CCDC7: variants seen among roughly 807,000 people sequenced by gnomAD.
The protein encoded by CCDC7 is coiled-coil domain containing 7, also known as coiled-coil domain-containing protein 7.
A neutral mutation model predicts 196.9 loss-of-function variants in CCDC7; 183 were observed. That is an observed-to-expected ratio of 0.93 (90% confidence interval 0.82 to 1.05). The LOEUF is 1.05. Ranked by LOEUF, CCDC7 falls within the 50% of genes least tolerant of loss-of-function variation. CCDC7 has a pLI of 0.00. For synonymous variants in CCDC7, 525 were observed against 484.6 expected (o/e 1.08, Z -1.10); for missense variants, 1,540 against 1,482.2 (o/e 1.04, Z -0.64).
intron 21 of CCDC7, among the ~76,000 whole-genome samples, chr10:32,668,104 C>A (rs186761501): frequency 0.041 from 6,293 of 151,948 alleles, 135 homozygotes; most frequent in Middle Eastern, 0.065. Context: ...AAGTTGGATT[C>A]CCAGGTGTTT....
At chr10:32,812,540 C>T (rs1271926886) in intron 30 of CCDC7, among the ~76,000 whole-genome samples, 1 of 151,998 alleles carries the variant, frequency 6.6e-6, no homozygotes, top group African/African-American at 2.4e-5. Context: ...ACTTTTTAAA[C>T]TTGACTGTGA....
intron 28 of CCDC7, among the ~76,000 whole-genome samples, chr10:32,752,818 C>A (rs1359881731): frequency 3.9e-5 from 6 of 152,138 alleles, no homozygotes; most frequent in Non-Finnish European, 8.8e-5. Context: ...CACCTTCTCA[C>A]TTACCTTGGT....
intron 11 of CCDC7, among the ~76,000 whole-genome samples, chr10:32,519,997 T>C (rs2047639251): frequency 6.6e-6 from 1 of 152,164 alleles, no homozygotes; most frequent in South Asian, 2.1e-4. Flanking sequence ...CTGGCCTATT[T>C]CATTTAACAT....
At chr10:32,486,096 T>G (rs531523963) in intron 8 of CCDC7, among the ~76,000 whole-genome samples, 31 of 152,110 alleles carry the variant, frequency 2.0e-4, no homozygotes, top group South Asian at 2.1e-4. Context: ...TGACAGTGGG[T>G]TGTTAAAGTC....
At chr10:32,798,551 T>A (rs969186169) in intron 29 of CCDC7, among the ~76,000 whole-genome samples, 6 of 152,170 alleles carry the variant, frequency 3.9e-5, no homozygotes, top group African/African-American at 7.2e-5. Context: ...ATCTTCACAG[T>A]TTTTGACCAT....
chr10:32,795,892 G>A (rs1222715463), intron 29 of CCDC7, among the ~76,000 whole-genome samples: 2 of 152,092 alleles, frequency 1.3e-5, no homozygotes, highest in African/African-American at 4.8e-5. Flanking sequence ...AGGACCTGTG[G>A]AATATACCTC....
chr10:32,837,214 A>C (rs2136015614), intron 33 of CCDC7, among the ~76,000 whole-genome samples: 1 of 152,338 alleles, frequency 6.6e-6, no homozygotes, highest in East Asian at 1.9e-4. Context: ...CAAAGAACGC[A>C]AACAAATTTA....
chr10:32,791,694 T>C (rs2082724040), intron 29 of CCDC7, among the ~76,000 whole-genome samples: 1 of 150,336 alleles, frequency 6.7e-6, no homozygotes, highest in Non-Finnish European at 1.5e-5. Flanking sequence ...AAAAAAAGAA[T>C]GAAAAAGAAT....
chr10:32,742,577 G>A lies in CCDC7; in HGVS notation c.2905+13120G>A, dbSNP rs542861033. On this transcript the variant is annotated intron_variant, in intron 28 of 41. Coordinates refer to ENST00000639629, the Ensembl canonical transcript of CCDC7. ...TTTGCTTTTTTCAGAATGTCTAACA[G>A]TTGGAATCATACAGTATGTAGCAGT... 1.5e-3 allele frequency among the ~76,000 whole-genome samples: 228 copies of A among 152,274 alleles called. 2 individuals are homozygous for A. The highest frequency in any genetic ancestry group is 5.2e-3 in the African/African-American group (217 of 41,564).
intron 32 of CCDC7, 68 bp downstream of exon 33, chr10:32,824,672 C>G: frequency 2.0e-6 from 2 of 999,978 alleles, no homozygotes; most frequent in East Asian, 2.4e-5. Context: ...GTATGTATCT[C>G]TAATGACAAC....
intron 21 of CCDC7, among the ~76,000 whole-genome samples, chr10:32,683,266 C>A (rs1350679047): frequency 6.6e-6 from 1 of 152,156 alleles, no homozygotes; most frequent in African/African-American, 2.4e-5. Context: ...TTCCCTGTTG[C>A]TTGGTTTGCC....
chr10:32,632,969 A>AT (rs762507012), intron 18 of CCDC7, among the ~76,000 whole-genome samples: 4 of 152,042 alleles, frequency 2.6e-5, no homozygotes, highest in South Asian at 4.2e-4. Flanking sequence ...TACTTAATTT[A>AT]TTGTATTCTT....
intron 8 of CCDC7, among the ~76,000 whole-genome samples, chr10:32,486,265 C>A (rs1185483113): frequency 1.3e-5 from 2 of 151,874 alleles, no homozygotes; most frequent in Non-Finnish European, 2.9e-5. Context: ...CCTTCTTTGT[C>A]TCTTTTGATC....
chr10:32,710,982 G>A (rs950322994), intron 24 of CCDC7, among the ~76,000 whole-genome samples: 2 of 152,166 alleles, frequency 1.3e-5, no homozygotes, highest in Non-Finnish European at 2.9e-5. Context: ...AAGGTAGGAT[G>A]TATCAGCATA....
chr10:32,822,000 GA>G (rs35583848), intron 31 of CCDC7, among the ~76,000 whole-genome samples: 66,559 of 148,992 alleles, frequency 0.45, 17,113 homozygotes, highest in Non-Finnish European at 0.59. Flanking sequence ...TAAAAGTGCT[GA>G]AAAAAAAAAA....
intron 9 of CCDC7, among the ~76,000 whole-genome samples, chr10:32,495,173 G>A (rs1338565093): frequency 6.6e-6 from 1 of 152,086 alleles, no homozygotes; most frequent in African/African-American, 2.4e-5. Context: ...TTATAAGTTT[G>A]TTGGCTGCAT....
chr10:32,668,419 G>C (rs970239619), intron 21 of CCDC7, among the ~76,000 whole-genome samples: 1 of 152,240 alleles, frequency 6.6e-6, no homozygotes, highest in Admixed American at 6.5e-5. Flanking sequence ...GGATAGGAGT[G>C]GTGAGAGAGG....
chr10:32,461,545 T>A (rs1021109487), intron 3 of CCDC7, among the ~76,000 whole-genome samples: 1 of 151,720 alleles, frequency 6.6e-6, no homozygotes, highest in Non-Finnish European at 1.5e-5. Context: ...ATTTTATATC[T>A]TGATTTTCTA....
chr10:32,763,116 G>T (rs762245632), intron 28 of CCDC7, among the ~76,000 whole-genome samples: 1 of 151,920 alleles, frequency 6.6e-6, no homozygotes, highest in Non-Finnish European at 1.5e-5. Flanking sequence ...ATATTGTTAG[G>T]TAAGCAGTTG....
Sources: allele counts gnomAD v4.1 joint callset (sites outside exome capture counted in the v4.1 genomes callset), GRCh38; gene constraint gnomAD v4.1.1; transcripts MANE v1.5; gene names NCBI Gene and HGNC (gene_info 2026-07-23, HGNC 2026-07-21).